Variants in TRMT11 observed in about 807,000 individuals in gnomAD.
TRMT11 encodes the protein tRNA methyltransferase 11, also known as tRNA (guanine(10)-N(2))-methyltransferase TRMT11.
In TRMT11, 53 loss-of-function variants were observed where a neutral mutation model predicts 62.8. That is an observed-to-expected ratio of 0.84 (90% confidence interval 0.68 to 1.06). The LOEUF (loss-of-function observed/expected upper bound fraction) is 1.06. Ranked by LOEUF, TRMT11 falls within the 50% of genes least tolerant of loss-of-function variation. TRMT11 has a pLI of 0.00. For synonymous variants in TRMT11, 188 were observed against 190.3 expected (o/e 0.99, Z 0.10); for missense variants, 556 against 553.4 (o/e 1.00, Z -0.05).
chr6:126,237,865 A>G, the TRMT11 span, among the ~76,000 whole-genome samples: 1 of 152,170 alleles, frequency 6.6e-6, no homozygotes, highest in South Asian at 2.1e-4. Flanking sequence ...TTGGTAAGCT[A>G]TTAATTATTG....
Position 126,126,897 on chromosome 6 carries a change from C to T in TRMT11, c.*1823+11042C>T, listed in dbSNP as rs540873187. Among the ~76,000 whole-genome samples, 5 of 152,174 alleles carry T rather than the reference C, an allele frequency of 3.3e-5. No homozygotes were observed. The South Asian group carries it at 1.0e-3, about 32-fold the overall frequency. ...GATTTGAACACTGAAGTGAACTTCC[C>T]ACCCATGAAAATACATGAATAAGGA... On this transcript the variant is annotated intron_variant and NMD_transcript_variant, in intron 21 of 22. Coordinates refer to the TRMT11 transcript ENST00000648977.
chr6:126,151,901 TTTTCTC>T (rs1165912286), intron 21 of TRMT11, among the ~76,000 whole-genome samples: 11 of 61,658 alleles, frequency 1.8e-4, no homozygotes, highest in African/African-American at 4.9e-4. Flanking sequence ...TTTTTCTTTC[TTTTCTC>T]TTTCTTTCTT....
chr6:126,054,506 G>A (rs868009166), intron 17 of TRMT11, among the ~76,000 whole-genome samples: 56 of 152,286 alleles, frequency 3.7e-4, no homozygotes, highest in Middle Eastern at 3.4e-3. Context: ...TTGGCCTCCT[G>A]CACCGAGGGA....
At chr6:126,191,169 A>G (rs1052482454) in intron 1 of TRMT11, among the ~76,000 whole-genome samples, 2 of 151,920 alleles carry the variant, frequency 1.3e-5, no homozygotes, top group African/African-American at 4.8e-5. Context: ...TATGGTTTTG[A>G]TTTGCATTTT....
the TRMT11 span, among the ~76,000 whole-genome samples, chr6:126,233,308 T>C: frequency 6.6e-6 from 1 of 152,204 alleles, no homozygotes; most frequent in Admixed American, 6.5e-5. Context: ...TCTGGGCTGG[T>C]ATTGTGACTC....
Position 126,008,220 on chromosome 6 carries a change from A to G in TRMT11, c.680-172A>G, listed in dbSNP as rs149726458. Among the ~76,000 whole-genome samples the G allele has an allele frequency of 1.0e-3, 158 of 152,170 alleles. 1 individual carries two copies. Among genetic ancestry groups the G allele is most frequent in the Non-Finnish European group, 1.8e-3 (123 of 67,946 alleles). On this transcript the variant is annotated intron_variant, in intron 7 of 12. Coordinates refer to ENST00000334379, the MANE Select transcript of TRMT11 (RefSeq NM_001031712.3). ...CTACTTTGTTACCAGTTTAGTGACT[A>G]TAGCTTAGGGGTTTGTTTTTTCAGT...
At chr6:126,069,914 C>T (rs1776802751) in intron 17 of TRMT11, among the ~76,000 whole-genome samples, 1 of 150,098 alleles carries the variant, frequency 6.7e-6, no homozygotes, top group African/African-American at 2.5e-5. Flanking sequence ...CAGAAATGTC[C>T]TTTAAAATCA....
At chr6:126,142,788 C>A (rs929911340) in intron 21 of TRMT11, among the ~76,000 whole-genome samples, 1 of 152,038 alleles carries the variant, frequency 6.6e-6, no homozygotes, top group African/African-American at 2.4e-5. Context: ...CAGGGAGACT[C>A]CTGTTATGTC....
chr6:126,236,767 T>G, the TRMT11 span, among the ~76,000 whole-genome samples: 1 of 152,218 alleles, frequency 6.6e-6, no homozygotes. Context: ...AGTGGCTGTG[T>G]AGTACCACAG....
the TRMT11 span, among the ~76,000 whole-genome samples, chr6:126,235,161 T>C: frequency 2.6e-5 from 4 of 152,154 alleles, no homozygotes; most frequent in African/African-American, 9.7e-5. Context: ...AGATACCATC[T>C]CACACTAGTC....
At chr6:126,106,412 T>C (rs1323613423) in intron 17 of TRMT11, among the ~76,000 whole-genome samples, 1 of 152,204 alleles carries the variant, frequency 6.6e-6, no homozygotes, top group Non-Finnish European at 1.5e-5. Context: ...CCCAAAGTGC[T>C]AGGATTACAG....
intron 12 of TRMT11, among the ~76,000 whole-genome samples, chr6:126,022,239 G>A (rs1479714152): frequency 6.6e-6 from 1 of 151,412 alleles, no homozygotes; most frequent in Non-Finnish European, 1.5e-5. Flanking sequence ...AATAGAGACG[G>A]GGTTTTACCA....
the TRMT11 span, among the ~76,000 whole-genome samples, chr6:126,256,272 A>G: frequency 2.6e-5 from 4 of 152,242 alleles, no homozygotes; most frequent in South Asian, 4.1e-4. Flanking sequence ...GAAGTCATAC[A>G]TAGTTACTTT....
intron 16 of TRMT11, among the ~76,000 whole-genome samples, chr6:126,051,155 G>A (rs766848140): frequency 1.3e-5 from 2 of 152,176 alleles, no homozygotes; most frequent in Non-Finnish European, 2.9e-5. Context: ...ACCAAAGAGT[G>A]CATAAAGCAT....
At chr6:125,997,868 A>G (rs1168407835) in intron 3 of TRMT11, among the ~76,000 whole-genome samples, 185 bp from the exon 4 acceptor site, 2 of 152,236 alleles carry the variant, frequency 1.3e-5, no homozygotes, top group South Asian at 4.1e-4. Flanking sequence ...TGGAGAAGAC[A>G]TTGGGAATAA....
At chr6:126,028,635 C>T (rs1004968742) in intron 12 of TRMT11, among the ~76,000 whole-genome samples, 2 of 152,004 alleles carry the variant, frequency 1.3e-5, no homozygotes. Flanking sequence ...GAGTTTACAT[C>T]GTGGAGGATC....
chr6:126,176,761 T>A (rs1778389698), upstream of TRMT11, among the ~76,000 whole-genome samples: 1 of 152,218 alleles, frequency 6.6e-6, no homozygotes, highest in Non-Finnish European at 1.5e-5. Context: ...TCTATGAAAT[T>A]AATGAACAAG....
At chr6:126,186,772 A>G (rs1270865626) in intron 1 of TRMT11, among the ~76,000 whole-genome samples, 1 of 152,048 alleles carries the variant, frequency 6.6e-6, no homozygotes, top group African/African-American at 2.4e-5. Context: ...CAAATTCTGC[A>G]TTTGAATCTT....
chr6:126,163,884 C>T (rs1265763561), intron 21 of TRMT11, among the ~76,000 whole-genome samples: 1 of 152,128 alleles, frequency 6.6e-6, no homozygotes, highest in African/African-American at 2.4e-5. Flanking sequence ...ATTAGTCTGG[C>T]TAGCAGTCTA....
Sources: gnomAD v4.1 joint callset for allele counts (sites outside exome capture counted in the v4.1 genomes callset) on GRCh38, gnomAD v4.1.1 for gene constraint, MANE v1.5 for transcripts, NCBI Gene and HGNC (gene_info 2026-07-23, HGNC 2026-07-21) for gene names.